Variants in CORO2B observed in about 807,000 individuals in gnomAD.
CORO2B encodes the protein coronin-2B.
In CORO2B, 26 loss-of-function variants were observed where a neutral mutation model predicts 58.8. That is an observed-to-expected ratio of 0.44 (90% CI 0.32 to 0.61). CORO2B has a LOEUF of 0.61. CORO2B is among the 20% of genes least tolerant of loss of function. The pLI, the probability that CORO2B is intolerant of heterozygous loss-of-function variation, is 0.04. For synonymous variants in CORO2B, 242 were observed against 253.8 expected, an observed-to-expected ratio of 0.95 and a Z score of 0.44; for missense variants, 460 against 645.1, an observed-to-expected ratio of 0.71 and a Z score of 3.11.
At chr15:68,722,320 G>T (rs1406538682) in intron 11 of CORO2B, among the ~76,000 whole-genome samples, 1 of 152,186 alleles carries the variant, frequency 6.6e-6, no homozygotes, top group African/African-American at 2.4e-5. Context: ...CATCTTCCTC[G>T]CTGGGAAGAA....
At chr15:68,681,178 A>G (rs1263749894) in intron 2 of CORO2B, among the ~76,000 whole-genome samples, 1 of 152,072 alleles carries the variant, frequency 6.6e-6, no homozygotes, top group Admixed American at 6.5e-5. Context: ...GTGCCATTGC[A>G]CTCTAGCCTG....
At position 68,585,926 on chromosome 15, in the gene CORO2B, C is replaced by T. The variant is rs192154919; in HGVS notation, c.15+6649C>T. The stretch of plus-strand genomic sequence containing the variant: ...CAAAGTATGACAGAGGCAGAGCCGC[C>T]TTCTCCATTTCCATGAGGCTAGCTT... On this transcript the variant is annotated intron_variant, in intron 1 of 11. Coordinates refer to ENST00000261861, the MANE Select transcript of CORO2B (RefSeq NM_006091.5). Among the ~76,000 whole-genome samples the T allele has an allele frequency of 2.8e-3, 429 of 152,332 alleles. 3 individuals carry two copies. Among genetic ancestry groups the T allele is most frequent in the Non-Finnish European group, 4.6e-3 (315 of 68,032 alleles).
upstream of CORO2B, among the ~76,000 whole-genome samples, chr15:68,577,724 C>CAAAAA (rs11389925): frequency 9.2e-6 from 1 of 108,834 alleles, no homozygotes; most frequent in Non-Finnish European, 1.8e-5. Flanking sequence ...ACTCCGGTCT[C>CAAAAA]AAAAAAAAAA....
intron 2 of CORO2B, among the ~76,000 whole-genome samples, chr15:68,653,058 C>G (rs1901690733): frequency 6.6e-6 from 1 of 152,172 alleles, no homozygotes; most frequent in South Asian, 2.1e-4. Flanking sequence ...AAACTCCATA[C>G]AAGTGCAGCA....
intron 1 of CORO2B, among the ~76,000 whole-genome samples, chr15:68,627,556 A>G (rs893257098): frequency 2.6e-5 from 4 of 152,124 alleles, no homozygotes; most frequent in Admixed American, 2.6e-4. Context: ...CTGGGACAAT[A>G]AGGAGAGCCC....
In CORO2B at chr15:68,579,123, C is replaced by A; in HGVS notation, c.-140C>A. ...TGCGCGCTGCCCGCCCGGAGCGCAG[C>A]CCCCAGGCTCGGCCGAGCCGCCGGC... On this transcript the variant is annotated 5_prime_UTR_variant, in exon 1 of 12. Transcript: ENST00000261861. 9 of 982,234 alleles carry A rather than the reference C, an allele frequency of 9.2e-6. No homozygotes were observed. Among genetic ancestry groups the A allele is most frequent in the Non-Finnish European group, 1.1e-5 (9 of 828,632 alleles). The allele number at this position is 982,234 out of a possible 1,614,324, so 60.8% of individuals were successfully genotyped here.
intron 1 of CORO2B, 122 bp downstream of exon 1, chr15:68,579,399 C>A: frequency 1.0e-6 from 1 of 998,520 alleles, no homozygotes; most frequent in Non-Finnish European, 1.3e-6. Flanking sequence ...AGGTGCGGCG[C>A]GCGCCTCTCT....
the CORO2B span, among the ~76,000 whole-genome samples, chr15:68,528,786 A>G: frequency 7.0e-6 from 1 of 143,882 alleles, no homozygotes; most frequent in Non-Finnish European, 1.5e-5. Context: ...TGTTTTGGGG[A>G]TAGGAAAGGG....
chr15:68,575,164 G>T (rs555842765), upstream of CORO2B, among the ~76,000 whole-genome samples: 1 of 152,184 alleles, frequency 6.6e-6, no homozygotes, highest in African/African-American at 2.4e-5. Context: ...CAAAAGCATA[G>T]CCCTGAAGTG....
chr15:68,716,878 G>A (rs1893043826), intron 8 of CORO2B, among the ~76,000 whole-genome samples: 2 of 151,614 alleles, frequency 1.3e-5, no homozygotes, highest in African/African-American at 4.8e-5. Flanking sequence ...GGAGAGGGGG[G>A]CAGGGGCTAA....
chr15:68,705,293 C>T (rs1427049260), intron 3 of CORO2B, among the ~76,000 whole-genome samples: 1 of 152,060 alleles, frequency 6.6e-6, no homozygotes, highest in African/African-American at 2.4e-5. Flanking sequence ...CAAAAATTAG[C>T]TGGGCGTGGT....
intron 2 of CORO2B, among the ~76,000 whole-genome samples, chr15:68,669,298 T>G (rs868190799): frequency 5.1e-4 from 78 of 152,336 alleles, no homozygotes; most frequent in African/African-American, 1.8e-3. Flanking sequence ...GAAGGCGACT[T>G]GGAGCCTTTA....
intron 1 of CORO2B, among the ~76,000 whole-genome samples, chr15:68,641,852 T>C (rs1279828570): frequency 6.6e-6 from 1 of 152,044 alleles, no homozygotes; most frequent in Non-Finnish European, 1.5e-5. Context: ...GCCTCCCAAG[T>C]AGCTGAGACT....
At chr15:68,689,106 A>G (rs34320419) in intron 2 of CORO2B, among the ~76,000 whole-genome samples, 27,433 of 87,122 alleles carry the variant, frequency 0.31, 3,065 homozygotes, top group Non-Finnish European at 0.42. Context: ...TTGACATTGA[A>G]GTTCTGTCCC....
chr15:68,545,386 C>G, the CORO2B span, among the ~76,000 whole-genome samples: 1 of 152,172 alleles, frequency 6.6e-6, no homozygotes, highest in Non-Finnish European at 1.5e-5. Flanking sequence ...CTCTACCCCT[C>G]CCCCAGCTCC....
intron 8 of CORO2B, among the ~76,000 whole-genome samples, chr15:68,715,952 T>C (rs1893022509): frequency 6.6e-6 from 1 of 152,214 alleles, no homozygotes; most frequent in African/African-American, 2.4e-5. Context: ...GAAACACCTA[T>C]TTTCAGGGAC....
the CORO2B span, among the ~76,000 whole-genome samples, chr15:68,546,075 C>G: frequency 1.9e-4 from 29 of 152,120 alleles, no homozygotes; most frequent in Non-Finnish European, 3.4e-4. Context: ...CCTTGCCACC[C>G]TTAGTTGCTT....
chr15:68,550,813 A>G, the CORO2B span, among the ~76,000 whole-genome samples: 1 of 152,152 alleles, frequency 6.6e-6, no homozygotes, highest in Non-Finnish European at 1.5e-5. Context: ...CAGCCTCTTC[A>G]TTTCCCAAAG....
intron 3 of CORO2B, among the ~76,000 whole-genome samples, chr15:68,700,961 C>T (rs975104766): frequency 1.3e-5 from 2 of 152,106 alleles, no homozygotes; most frequent in Non-Finnish European, 2.9e-5. Flanking sequence ...GTCTGCTCTC[C>T]TCACCCTGTA....
Sources: gnomAD v4.1 joint callset for allele counts (sites outside exome capture counted in the v4.1 genomes callset) on GRCh38, gnomAD v4.1.1 for gene constraint, MANE v1.5 for transcripts, NCBI Gene and HGNC (gene_info 2026-07-23, HGNC 2026-07-21) for gene names.